The following CDCA7L variants were observed in gnomAD, a reference collection of about 807,000 sequenced individuals.
CDCA7L encodes the protein cell division cycle-associated 7-like protein.
Under a neutral mutation model 57.4 loss-of-function variants are expected in CDCA7L, and 44 were observed. The ratio of observed to expected loss-of-function variants is 0.77; its 90% confidence interval spans 0.60 to 0.98. CDCA7L has a LOEUF of 0.98. Among genes scored for constraint, CDCA7L ranks in the 50% least tolerant of loss-of-function variants. The probability of loss-of-function intolerance (pLI) is 0.00; values close to 1 mark genes in which losing one functional copy is unlikely to be tolerated. For synonymous variants in CDCA7L, 236 were observed against 202.8 expected, an observed-to-expected ratio of 1.16 and a Z score of -1.39; for missense variants, 644 against 580.6, an observed-to-expected ratio of 1.11 and a Z score of -1.12.
chr7:21,925,768 TC>T (rs1785805690), intron 1 of CDCA7L, among the ~76,000 whole-genome samples: 1 of 152,038 alleles, frequency 6.6e-6, no homozygotes, highest in African/African-American at 2.4e-5. Context: ...ATGTCTGTAG[TC>T]CCAGCTACTT....
rs183588181 is a variant in CDCA7L at position 21,941,753 on chromosome 7, A to G, written c.24+4028T>C. ...CAAATTGCCCTGAGCAAATTAGTCA[A>G]TTTAGCCTTATCTTTAAAAGGCAGA... On this transcript the variant is annotated intron_variant, in intron 1 of 9. Transcript: ENST00000406877. Among the ~76,000 whole-genome samples, 3 of 152,344 alleles carry G rather than the reference A, an allele frequency of 2.0e-5. No individual in the cohort carries two copies. The East Asian group carries it at 5.8e-4, about 29-fold the overall frequency.
intron 1 of CDCA7L, among the ~76,000 whole-genome samples, chr7:21,938,032 G>C (rs1786226150): frequency 1.3e-5 from 2 of 152,082 alleles, no homozygotes; most frequent in Admixed American, 1.3e-4. Context: ...TAATTTCTTG[G>C]ATATGGCAAC....
intron 1 of CDCA7L, among the ~76,000 whole-genome samples, chr7:21,933,517 G>C (rs1164695149): frequency 6.6e-6 from 1 of 152,108 alleles, no homozygotes; most frequent in Admixed American, 6.6e-5. Flanking sequence ...GGATGAAGCA[G>C]GAAACCAGCT....
chr7:21,919,513 C>A (rs535092274), intron 1 of CDCA7L, among the ~76,000 whole-genome samples: 1 of 152,058 alleles, frequency 6.6e-6, no homozygotes. Context: ...AAACCAAGCT[C>A]GGAGAACACA....
At chr7:21,945,486 G>GCCCCGCTAGCT (rs975533079) in intron 1 of CDCA7L, among the ~76,000 whole-genome samples, 3 of 152,056 alleles carry the variant, frequency 2.0e-5, no homozygotes, top group Non-Finnish European at 4.4e-5. Context: ...CAGGCGCTGC[G>GCCCCGCTAGCT]CCCCGCTAGC....
At chr7:21,916,946 C>A (rs1184589951) in intron 1 of CDCA7L, 52 bp from the exon 2 acceptor site, 1 of 1,604,456 alleles carries the variant, frequency 6.2e-7, no homozygotes, top group Non-Finnish European at 8.5e-7. Flanking sequence ...TTGCTAATCA[C>A]TTAGGGACAT....
At chr7:21,921,843 C>T (rs1011115797) in intron 1 of CDCA7L, among the ~76,000 whole-genome samples, 4 of 151,656 alleles carry the variant, frequency 2.6e-5, no homozygotes, top group African/African-American at 9.7e-5. Context: ...TGTTAAAAAT[C>T]GACAACTTCA....
At chr7:21,938,593 T>C (rs1786245489) in intron 1 of CDCA7L, among the ~76,000 whole-genome samples, 1 of 152,172 alleles carries the variant, frequency 6.6e-6, no homozygotes, top group Non-Finnish European at 1.5e-5. Context: ...AAGCAGATAT[T>C]TGTATGCCAA....
chr7:21,908,435 C>G lies in CDCA7L; in HGVS notation c.376G>C (p.Asp126His). The change falls in exon 4 of 10, where the codon GAT becomes CAT. Residue 126 changes from aspartate (D) to histidine (H), a missense_variant. Asp to His is a moderately conservative substitution (Grantham distance 81). Transcript: ENST00000406877. ...CTGCTTCTTCTAGGGGTAGCCTTAT[C>G]TTCTTCTTCATCTTCCTCTTCCTCG... ...VSEEEEDEEE[D>H]KATPRRSRSR... 1 of 1,578,128 alleles carries G rather than the reference C, an allele frequency of 6.3e-7. No individual in the cohort carries two copies. Among genetic ancestry groups the G allele is most frequent in the Non-Finnish European group, 8.6e-7 (1 of 1,168,594 alleles).
rs11427172 is a variant in CDCA7L, at chr7:21,926,702, CA to C, written c.25-9809del. ...TGGGCAATGTAGCAAGACCCCATCT[CA>C]AAAAAAAAAATGTTTTTTAATTACC... On this transcript the variant is annotated intron_variant, in intron 1 of 9. Coordinates refer to ENST00000406877, the MANE Select transcript of CDCA7L (RefSeq NM_018719.5). Among the ~76,000 whole-genome samples the C allele has an allele frequency of 2.2e-3, 324 of 149,244 alleles. 2 individuals carry two copies. The highest frequency in any genetic ancestry group is 6.9e-3 in the Middle Eastern group (2 of 288).
intron 1 of CDCA7L, among the ~76,000 whole-genome samples, chr7:21,933,166 G>T (rs1786068158): frequency 6.6e-6 from 1 of 152,184 alleles, no homozygotes; most frequent in Non-Finnish European, 1.5e-5. Flanking sequence ...TGCTGGAGGG[G>T]ATGTGGAGAA....
At chr7:21,911,864 G>A (rs1785339932) in intron 2 of CDCA7L, 110 bp from the exon 3 acceptor site, 15 of 882,746 alleles carry the variant, frequency 1.7e-5, no homozygotes, top group Admixed American at 1.1e-4. Context: ...TGGAGATGAC[G>A]AAAATGGATG....
At chr7:21,925,850 G>A (rs1007349072) in intron 1 of CDCA7L, among the ~76,000 whole-genome samples, 40 of 152,108 alleles carry the variant, frequency 2.6e-4, no homozygotes, top group Admixed American at 9.8e-4. Context: ...TCCTGCCACT[G>A]TAACAGAGGA....
At position 21,915,682 on chromosome 7, in the gene CDCA7L, C is replaced by A. The variant is rs544552832; in HGVS notation, c.165+1072G>T. On this transcript the variant is annotated intron_variant, in intron 2 of 9. Coordinates refer to ENST00000406877, the MANE Select transcript of CDCA7L (RefSeq NM_018719.5). ...AAACACACACACACACACAAATTAG[C>A]CAGGCGTGGTGGTGGGAGCCTGTAA... 2.8e-5 allele frequency among the ~76,000 whole-genome samples: 4 copies of A among 141,366 alleles called. No individual in the cohort carries two copies. In the South Asian group the frequency reaches 9.1e-4, roughly 32 times the overall value. The allele number at this position is 141,366 out of a possible 152,430, so 92.7% of individuals were successfully genotyped here.
chr7:21,908,614 G>C, intron 3 of CDCA7L, 107 bp from the exon 4 acceptor site: 1 of 1,205,908 alleles, frequency 8.3e-7, no homozygotes, highest in East Asian at 2.6e-5. Context: ...CATGAAAAAT[G>C]AAAAGCTTCC....
At chr7:21,912,107 C>T (rs2128060179) in intron 2 of CDCA7L, among the ~76,000 whole-genome samples, 1 of 151,982 alleles carries the variant, frequency 6.6e-6, no homozygotes, top group Admixed American at 6.5e-5. Flanking sequence ...GCAAAAAATA[C>T]AAAAATTAGC....
In CDCA7L at chr7:21,930,697, CAAAAAAAA is replaced by C. The variant is rs56701381; in HGVS notation, c.25-13811_25-13804del. 2.5e-4 allele frequency among the ~76,000 whole-genome samples: 13 copies of C among 51,790 alleles called. 1 individual carries two copies. Among genetic ancestry groups the C allele is most frequent in the Admixed American group, 5.6e-4 (2 of 3,578 alleles). 34.0% of individuals were successfully genotyped at this position (51,790 alleles called of 152,430 possible). A position where few individuals can be genotyped will look rare whatever the true frequency, so the allele number is the denominator to read the frequency against. On this transcript the variant is annotated intron_variant, in intron 1 of 9. Transcript: ENST00000406877. ...CCGGCAACAGTGCAAGACTCCGTCT[CAAAAAAAA>C]AAAAAAAAAAAAAAAAAAGAACTAG...
chr7:21,943,941 A>G (rs140320043), intron 1 of CDCA7L, among the ~76,000 whole-genome samples: 1,608 of 152,316 alleles, frequency 0.011, 23 homozygotes, highest in African/African-American at 0.037. Context: ...TGAATTATGA[A>G]TATCAGTAGT....
At position 21,901,148 on chromosome 7, in the gene CDCA7L, G is replaced by C. The variant is rs191791959; in HGVS notation, c.*1174C>G. The C allele has an allele frequency of 1.9e-6, 3 of 1,613,012 alleles. No homozygotes were observed. The highest frequency in any genetic ancestry group is 1.3e-5 in the African/African-American group (1 of 74,878). On this transcript the variant is annotated 3_prime_UTR_variant, in exon 10 of 10. Transcript: ENST00000406877. ...CAGACCTACGAGTGCCCTGTGTATA[G>C]AACCAAACTGAGAGGCCCCAGCTAC...
Sources: gnomAD v4.1 joint callset for allele counts (sites outside exome capture counted in the v4.1 genomes callset) on GRCh38, gnomAD v4.1.1 for gene constraint, MANE v1.5 for transcripts, NCBI Gene and HGNC (gene_info 2026-07-23, HGNC 2026-07-21) for gene names.